The following MAFF variants were observed in gnomAD, a reference collection of about 807,000 sequenced individuals.
MAFF encodes the protein transcription factor MafF.
In MAFF, 4 loss-of-function variants were observed where a neutral mutation model predicts 2.7. The observed-to-expected ratio is 1.48, with a 90% CI of 0.73 to 3.39. The LOEUF (loss-of-function observed/expected upper bound fraction) is 3.39. Among genes scored for constraint, MAFF ranks in the 30% most tolerant of loss-of-function variants. MAFF has a pLI of 0.01. For missense variants in MAFF, 190 were observed against 246.6 expected (o/e 0.77, Z 1.54); for synonymous variants, 113 against 119.4 (o/e 0.95, Z 0.35).
chr22:38,211,946 G>T (rs1474756155), intron 1 of MAFF, among the ~76,000 whole-genome samples: 1 of 152,122 alleles, frequency 6.6e-6, no homozygotes, highest in Non-Finnish European at 1.5e-5. Context: ...CGTGTTTATA[G>T]GATGCTACAG....
At chr22:38,207,946 C>T (rs1478003292) in intron 1 of MAFF, among the ~76,000 whole-genome samples, 1 of 152,178 alleles carries the variant, frequency 6.6e-6, no homozygotes, top group East Asian at 1.9e-4. Context: ...GGTTTCAGTC[C>T]TGGGCCTTTG....
intron 1 of MAFF, among the ~76,000 whole-genome samples, chr22:38,213,301 A>G (rs1345530357): frequency 6.6e-6 from 1 of 152,010 alleles, no homozygotes; most frequent in Non-Finnish European, 1.5e-5. Context: ...ACATCTATTC[A>G]TTTGGTGCAC....
chr22:38,214,972 T>C lies in MAFF; in HGVS notation c.*94T>C, dbSNP rs950608313. The C allele has an allele frequency of 9.8e-6, 9 of 917,234 alleles. No individual in the cohort carries two copies. In the South Asian group the frequency reaches 1.3e-4, roughly 13 times the overall value. 56.8% of individuals were successfully genotyped at this position (917,234 alleles called of 1,614,324 possible). On this transcript the variant is annotated 3_prime_UTR_variant, in exon 3 of 3. Transcript: ENST00000338483. This position sits in a 1 kb window ranked among gnomAD's most constrained non-coding sequence, Gnocchi z 6.3. ...CGCCTCTGTGCCCAGGTCCCATTTC[T>C]CTGCAGCACTGGCCCCTTGGTGCAC...
intron 1 of MAFF, among the ~76,000 whole-genome samples, chr22:38,207,191 G>A (rs1279427323): frequency 6.6e-6 from 1 of 151,788 alleles, no homozygotes; most frequent in Non-Finnish European, 1.5e-5. Flanking sequence ...CGTAATCTCG[G>A]CTCACTGCAA....
intron 1 of MAFF, among the ~76,000 whole-genome samples, chr22:38,210,033 G>A (rs2091086180): frequency 6.6e-6 from 1 of 152,146 alleles, no homozygotes; most frequent in Non-Finnish European, 1.5e-5. Flanking sequence ...GGAGTGCTAG[G>A]CAGGGAAACT....
At chr22:38,209,813 CAAAAAAA>C (rs398037113) in intron 1 of MAFF, among the ~76,000 whole-genome samples, 14 of 76,468 alleles carry the variant, frequency 1.8e-4, no homozygotes, top group South Asian at 1.2e-3. Flanking sequence ...GACTCCATCT[CAAAAAAA>C]AAAAAAAAAA....
At position 38,202,018 on chromosome 22, in the gene MAFF, C is replaced by G. The variant is rs529977800; in HGVS notation, c.-226C>G. On this transcript the variant is annotated 5_prime_UTR_variant, in exon 1 of 3. Transcript: ENST00000338483. This position sits in a 1 kb window ranked among gnomAD's most constrained non-coding sequence, Gnocchi z 7.4. Reference sequence around the variant, plus strand: ...TAATTCCGGGAAGCTCGCCTTACAACTCCGCGCGGCCTCGGCCCCCTGCGC... The same window carrying G: ...TAATTCCGGGAAGCTCGCCTTACAAGTCCGCGCGGCCTCGGCCCCCTGCGC... 6.6e-6 allele frequency: 1 copy of G among 152,444 alleles called. No homozygotes were observed. Among genetic ancestry groups the G allele is most frequent in the African/African-American group, 2.4e-5 (1 of 41,594 alleles). 9.4% of individuals were successfully genotyped at this position (152,444 alleles called of 1,614,324 possible).
At chr22:38,204,422 G>A (rs2091036861) in intron 1 of MAFF, among the ~76,000 whole-genome samples, 1 of 152,176 alleles carries the variant, frequency 6.6e-6, no homozygotes. Context: ...TGAAGCCCTT[G>A]AAGGCAGGAG....
chr22:38,213,174 C>T (rs1470644635), intron 1 of MAFF, among the ~76,000 whole-genome samples: 6 of 95,020 alleles, frequency 6.3e-5, no homozygotes, highest in African/African-American at 2.2e-4. Flanking sequence ...GAGACTCTGT[C>T]TCAAAAAAAA....
At chr22:38,213,748 G>A (rs978250983) in intron 1 of MAFF, 75 bp from the exon 2 acceptor site, 2 of 1,066,234 alleles carry the variant, frequency 1.9e-6, no homozygotes, top group African/African-American at 3.1e-5. Flanking sequence ...TGAATGGCAA[G>A]GTAGTGAGTT....
chr22:38,204,700 G>T (rs1041010399), intron 1 of MAFF, among the ~76,000 whole-genome samples: 1 of 152,124 alleles, frequency 6.6e-6, no homozygotes, highest in Non-Finnish European at 1.5e-5. Context: ...TGCACTGCCC[G>T]CTTGTCCCTT....
chr22:38,212,380 C>A (rs7286322), intron 1 of MAFF, among the ~76,000 whole-genome samples: 1 of 152,042 alleles, frequency 6.6e-6, no homozygotes, highest in Admixed American at 6.5e-5. Context: ...GTTCTCATGG[C>A]GGAGAACCTG....
At chr22:38,205,369 G>A (rs747014390) in intron 1 of MAFF, 2 of 152,266 alleles carry the variant, frequency 1.3e-5, no homozygotes, top group Non-Finnish European at 2.9e-5. Flanking sequence ...CCTTCCAGCA[G>A]GGAGGAGGCT....
intron 2 of MAFF, 70 bp downstream of exon 2, chr22:38,213,959 A>C: frequency 1.3e-6 from 2 of 1,534,548 alleles, no homozygotes; most frequent in Non-Finnish European, 1.8e-6. Context: ...CCTCATCCCA[A>C]CTTCCCCTTC....
chr22:38,214,352 G>A lies in MAFF; in HGVS notation c.37-68G>A. 5 of 1,421,818 alleles carry A rather than the reference G, an allele frequency of 3.5e-6. No individual in the cohort carries two copies. The highest frequency in any genetic ancestry group is 4.7e-6 in the Non-Finnish European group (5 of 1,066,890). 88.1% of individuals were successfully genotyped at this position (1,421,818 alleles called of 1,614,324 possible). Reference sequence around the variant, plus strand: ...CTCGGCGGCTAAGGCGGTGAAAGAGGAACACCGCGGGTGGAGCGGGGGGGC... The same window carrying A: ...CTCGGCGGCTAAGGCGGTGAAAGAGAAACACCGCGGGTGGAGCGGGGGGGC... On this transcript the variant is annotated intron_variant, in intron 2 of 2. Coordinates refer to ENST00000338483, the MANE Select transcript of MAFF (RefSeq NM_012323.4). This position sits in a 1 kb window ranked among gnomAD's most constrained non-coding sequence, Gnocchi z 6.3.
intron 1 of MAFF, chr22:38,213,595 G>A (rs1185582042): frequency 1.6e-6 from 1 of 639,476 alleles, no homozygotes; most frequent in Admixed American, 2.1e-5. Context: ...AAATGATGAG[G>A]AGTCACCATG....
In MAFF at chr22:38,214,753, G is replaced by C. The variant is rs899693402; in HGVS notation, c.370G>C (p.Ala124Pro). Residue 124 changes from alanine (A) to proline (P), a missense_variant, in exon 3 of 3, where the codon GCC becomes CCC. Physicochemically the swap from Ala to Pro is conservative, Grantham distance 27 (BLOSUM62 -1). This residue lies in a region of MAFF where 103 missense variants were observed against 103.0 expected (regional missense o/e 1.00). Transcript: ENST00000338483. The surrounding 1 kb of genome is among the most constrained non-coding windows in gnomAD (Gnocchi z 6.3). Reference protein sequence around the residue: ...LQGFARSVAAARGPATLVAPA... With the variant: ...LQGFARSVAAPRGPATLVAPA... Reference sequence around the variant, plus strand: ...GGGCTTCGCGCGCTCCGTGGCCGCCGCCCGCGGGCCCGCCACGCTCGTGGC... The same window carrying C: ...GGGCTTCGCGCGCTCCGTGGCCGCCCCCCGCGGGCCCGCCACGCTCGTGGC... The C allele has an allele frequency of 2.1e-6, 3 of 1,404,076 alleles. No individual in the cohort carries two copies. Among genetic ancestry groups the C allele is most frequent in the East Asian group, 6.1e-5 (2 of 32,522 alleles). 87.0% of individuals were successfully genotyped at this position (1,404,076 alleles called of 1,614,324 possible). A position where few individuals can be genotyped will look rare whatever the true frequency, so the allele number is the denominator to read the frequency against.
rs1391380486 is a variant in MAFF at position 38,213,834 on chromosome 22, A to G, written c.-20A>G. 6.2e-7 allele frequency: 1 copy of G among 1,613,758 alleles called. No individual in the cohort carries two copies. Among genetic ancestry groups the G allele is most frequent in the East Asian group, 2.2e-5 (1 of 44,890 alleles). On this transcript the variant is annotated 5_prime_UTR_variant, in exon 2 of 3. Coordinates refer to ENST00000338483, the MANE Select transcript of MAFF (RefSeq NM_012323.4). ...CCTTTCTACCCTAGGTCTGCAGCCC[A>G]GAGGGCACCTTCTGCAAACATGTCT... is the stretch of plus-strand genomic sequence containing the variant.
chr22:38,209,646 C>T (rs1348646843), intron 1 of MAFF, among the ~76,000 whole-genome samples: 1 of 151,696 alleles, frequency 6.6e-6, no homozygotes, highest in Non-Finnish European at 1.5e-5. Context: ...AACTCTGTCT[C>T]TACTAAAAAT....
Sources: allele counts gnomAD v4.1 joint callset (sites outside exome capture counted in the v4.1 genomes callset), GRCh38; gene constraint gnomAD v4.1.1; regional missense constraint gnomAD v4.1.1; non-coding constraint Gnocchi (gnomAD v3.1); transcripts MANE v1.5; gene names NCBI Gene and HGNC (gene_info 2026-07-23, HGNC 2026-07-21).